The following BMPR1A variants were observed in gnomAD, a reference collection of about 807,000 sequenced individuals.
BMPR1A encodes bone morphogenetic protein receptor type-1A.
A neutral mutation model predicts 66.0 loss-of-function variants in BMPR1A; 7 were observed. The ratio of observed to expected loss-of-function variants is 0.11; its 90% CI spans 0.06 to 0.20. The LOEUF (loss-of-function observed/expected upper bound fraction) is 0.20. Ranked by LOEUF, BMPR1A falls within the 10% of genes least tolerant of loss-of-function variation. The probability of loss-of-function intolerance (pLI) is 1.00; values close to 1 mark genes in which losing one functional copy is unlikely to be tolerated. For missense variants in BMPR1A, 408 were observed against 669.1 expected (o/e 0.61, Z 4.31); for synonymous variants, 200 against 229.7 (o/e 0.87, Z 1.17).
At chr10:86,920,626 T>C (rs1843648019) in intron 10 of BMPR1A, among the ~76,000 whole-genome samples, 1 of 152,184 alleles carries the variant, frequency 6.6e-6, no homozygotes, top group African/African-American at 2.4e-5. Flanking sequence ...ATTATATTGA[T>C]CACTGCTTTA....
intron 9 of BMPR1A, among the ~76,000 whole-genome samples, chr10:86,917,901 TATCA>T (rs1264356811): frequency 1.3e-5 from 2 of 152,218 alleles, no homozygotes; most frequent in Admixed American, 6.5e-5. Flanking sequence ...AGGGCTGCTG[TATCA>T]ATTACCACAA....
chr10:86,807,797 C>G (rs1264934713), intron 1 of BMPR1A, among the ~76,000 whole-genome samples: 6 of 152,078 alleles, frequency 3.9e-5, no homozygotes, highest in African/African-American at 1.2e-4. Flanking sequence ...GACGGAGTTG[C>G]ACTCTGTTGC....
At chr10:86,817,940 T>C (rs995754736) in intron 1 of BMPR1A, among the ~76,000 whole-genome samples, 2 of 152,220 alleles carry the variant, frequency 1.3e-5, no homozygotes, top group Non-Finnish European at 2.9e-5. Context: ...CTTAGGAACG[T>C]TGATGCCAAA....
chr10:86,897,237 A>T (rs1172456931), intron 5 of BMPR1A, among the ~76,000 whole-genome samples: 1 of 152,202 alleles, frequency 6.6e-6, no homozygotes, highest in African/African-American at 2.4e-5. Flanking sequence ...TTTGTTTCCC[A>T]CAAAAATTCA....
At chr10:86,803,373 A>G in intron 1 of BMPR1A, among the ~76,000 whole-genome samples, 1 of 152,166 alleles carries the variant, frequency 6.6e-6, no homozygotes, top group Non-Finnish European at 1.5e-5. Context: ...CTGCCTGGCC[A>G]TTATTATCTT....
At chr10:86,764,153 T>C (rs577409000) in intron 1 of BMPR1A, among the ~76,000 whole-genome samples, 9 of 152,352 alleles carry the variant, frequency 5.9e-5, no homozygotes, top group African/African-American at 1.9e-4. Flanking sequence ...TTCTTACTAG[T>C]AATTAAAATG....
At chr10:86,766,531 G>A (rs980118428) in intron 1 of BMPR1A, among the ~76,000 whole-genome samples, 2 of 151,882 alleles carry the variant, frequency 1.3e-5, no homozygotes, top group Non-Finnish European at 2.9e-5. Context: ...AAAGTGCCAA[G>A]CCACCCTGCA....
At chr10:86,780,348 G>A (rs1589712338) in intron 1 of BMPR1A, among the ~76,000 whole-genome samples, 1 of 152,122 alleles carries the variant, frequency 6.6e-6, no homozygotes, top group South Asian at 2.1e-4. Flanking sequence ...TGATGCCTGT[G>A]TTTTTGAGGT....
intron 3 of BMPR1A, among the ~76,000 whole-genome samples, chr10:86,883,549 CAAAA>C (rs71019436): frequency 2.2e-4 from 10 of 45,410 alleles, no homozygotes; most frequent in East Asian, 8.4e-4. Context: ...GACTCCGTCT[CAAAA>C]AAAAAAAAAA....
At chr10:86,916,592 T>C (rs1843571925) in intron 8 of BMPR1A, among the ~76,000 whole-genome samples, 1 of 152,248 alleles carries the variant, frequency 6.6e-6, no homozygotes, top group South Asian at 2.1e-4. Context: ...CCCACGACTG[T>C]GTGCACTGGG....
At chr10:86,766,232 TC>T (rs2132621948) in intron 1 of BMPR1A, among the ~76,000 whole-genome samples, 1 of 152,242 alleles carries the variant, frequency 6.6e-6, no homozygotes, top group African/African-American at 2.4e-5. Flanking sequence ...GCTAAAGTGA[TC>T]CTCCCACCTA....
At chr10:86,810,014 A>G (rs1029573487) in intron 1 of BMPR1A, among the ~76,000 whole-genome samples, 2 of 151,920 alleles carry the variant, frequency 1.3e-5, no homozygotes, top group Non-Finnish European at 2.9e-5. Context: ...TCTGTCTCTT[A>G]GGCTAGAGTG....
At chr10:86,863,287 T>G (rs1006140789) in intron 2 of BMPR1A, among the ~76,000 whole-genome samples, 9 of 152,192 alleles carry the variant, frequency 5.9e-5, no homozygotes, top group African/African-American at 2.2e-4. Flanking sequence ...TTAGCTGTCT[T>G]AAAAATAGCA....
chr10:86,850,483 G>T (rs1842551993), intron 2 of BMPR1A, among the ~76,000 whole-genome samples: 1 of 152,134 alleles, frequency 6.6e-6, no homozygotes, highest in Non-Finnish European at 1.5e-5. Context: ...TTCTAATTCA[G>T]CACGGTCTGG....
intron 7 of BMPR1A, among the ~76,000 whole-genome samples, chr10:86,908,982 C>T (rs1370354655): frequency 1.3e-5 from 2 of 152,180 alleles, no homozygotes; most frequent in African/African-American, 2.4e-5. Context: ...TGCTGCTTCT[C>T]CTCCCTCCAA....
intron 2 of BMPR1A, among the ~76,000 whole-genome samples, chr10:86,857,075 G>A (rs766002578): frequency 1.3e-5 from 2 of 152,172 alleles, no homozygotes; most frequent in Non-Finnish European, 2.9e-5. Flanking sequence ...CTGAGCTATG[G>A]TGTGTGTAGA....
intron 7 of BMPR1A, among the ~76,000 whole-genome samples, chr10:86,905,256 G>A (rs1361884691): frequency 1.3e-5 from 2 of 152,106 alleles, no homozygotes; most frequent in South Asian, 2.1e-4. Flanking sequence ...CACTGTGGAC[G>A]AGGCATCATT....
intron 2 of BMPR1A, among the ~76,000 whole-genome samples, chr10:86,840,519 ATTATCCTGTTTT>A (rs1393288107): frequency 2.0e-5 from 3 of 151,872 alleles, no homozygotes; most frequent in Non-Finnish European, 4.4e-5. Flanking sequence ...TATCTTAGAA[ATTATCCTGTTTT>A]TTTCTTATGT....
intron 7 of BMPR1A, among the ~76,000 whole-genome samples, chr10:86,905,328 C>A (rs1843370538): frequency 2.0e-5 from 3 of 152,286 alleles, no homozygotes; most frequent in Admixed American, 2.0e-4. Context: ...CTCCTTTAAT[C>A]CTTCAGACTG....
Sources: gnomAD v4.1 joint callset for allele counts (sites outside exome capture counted in the v4.1 genomes callset) on GRCh38, gnomAD v4.1.1 for gene constraint, MANE v1.5 for transcripts, NCBI Gene and HGNC (gene_info 2026-07-23, HGNC 2026-07-21) for gene names.